WWOX: variants seen among roughly 807,000 people sequenced by gnomAD.
WWOX encodes WW domain containing oxidoreductase, also known as WW domain-containing oxidoreductase.
Under a neutral mutation model 46.2 loss-of-function variants are expected in WWOX, and 69 were observed. That is an observed-to-expected ratio of 1.49 (90% CI 1.23 to 1.82). WWOX has a LOEUF of 1.82. Among genes scored for constraint, WWOX ranks in the 40% most tolerant of loss-of-function variants. The pLI is 0.00. For missense variants in WWOX, 919 were observed against 542.6 expected (o/e 1.69, Z -6.89); for synonymous variants, 359 against 202.6 (o/e 1.77, Z -6.56).
intron 8 of WWOX, among the ~76,000 whole-genome samples, chr16:79,098,585 C>A (rs1446089093): frequency 1.3e-5 from 2 of 152,178 alleles, no homozygotes; most frequent in Non-Finnish European, 2.9e-5. Flanking sequence ...GCAAACTTCC[C>A]TTGTAATCAC....
At chr16:78,420,962 T>C (rs911917710) in intron 6 of WWOX, among the ~76,000 whole-genome samples, 4 of 152,172 alleles carry the variant, frequency 2.6e-5, no homozygotes, top group Non-Finnish European at 4.4e-5. Flanking sequence ...TTCAATTAAA[T>C]TGAGAAAGTT....
chr16:78,359,655 C>G (rs182542866), intron 5 of WWOX, among the ~76,000 whole-genome samples: 2 of 151,956 alleles, frequency 1.3e-5, no homozygotes, highest in Admixed American at 6.6e-5. Context: ...ACAGAGATAC[C>G]GTAACATTTA....
rs200040353 is a variant in WWOX at position 78,979,084 on chromosome 16, C to CTTT, written c.1057-232511_1057-232509dup. 1.3e-3 allele frequency among the ~76,000 whole-genome samples: 178 copies of CTTT among 142,156 alleles called. 1 individual carries two copies. Among genetic ancestry groups the CTTT allele is most frequent in the African/African-American group, 4.3e-3 (164 of 38,340 alleles). The allele number at this position is 142,156 out of a possible 152,430, so 93.3% of individuals were successfully genotyped here. ...CGTCCTCCCTGCTCAGAATTTCAGTCTTTTTTTTTTTTTTTCCCTATACAG... is the reference window on the plus strand; with the variant it reads ...CGTCCTCCCTGCTCAGAATTTCAGTCTTTTTTTTTTTTTTTTTTCCCTATACAG... On this transcript the variant is annotated intron_variant, in intron 8 of 8. Transcript: ENST00000566780.
At chr16:79,068,426 G>A (rs1008149600) in intron 8 of WWOX, among the ~76,000 whole-genome samples, 2 of 152,078 alleles carry the variant, frequency 1.3e-5, no homozygotes, top group Non-Finnish European at 2.9e-5. Context: ...TGTGCTGCCT[G>A]ACACACTCCT....
At chr16:79,053,087 A>G (rs544644801) in intron 8 of WWOX, among the ~76,000 whole-genome samples, 2 of 151,254 alleles carry the variant, frequency 1.3e-5, no homozygotes, top group African/African-American at 4.9e-5. Flanking sequence ...CCATGCAAAA[A>G]GGATGAAATC....
intron 4 of WWOX, among the ~76,000 whole-genome samples, chr16:78,139,788 G>C (rs11644071): frequency 0.15 from 23,078 of 152,182 alleles, 2,058 homozygotes; most frequent in East Asian, 0.22. Context: ...TGATTACAAA[G>C]AGAGGGATGG....
At chr16:79,115,603 A>G (rs1247902553) in intron 8 of WWOX, among the ~76,000 whole-genome samples, 1 of 152,242 alleles carries the variant, frequency 6.6e-6, no homozygotes, top group Non-Finnish European at 1.5e-5. Context: ...CTTCTCACAA[A>G]GAAAGATCTA....
At chr16:79,125,875 A>G (rs918573520) in intron 8 of WWOX, among the ~76,000 whole-genome samples, 1 of 152,214 alleles carries the variant, frequency 6.6e-6, no homozygotes, top group Non-Finnish European at 1.5e-5. Flanking sequence ...AAATTATCAA[A>G]GATTATCGTC....
At chr16:78,829,755 A>G (rs924598954) in intron 8 of WWOX, among the ~76,000 whole-genome samples, 1 of 152,158 alleles carries the variant, frequency 6.6e-6, no homozygotes, top group African/African-American at 2.4e-5. Flanking sequence ...AGAGATTCAG[A>G]GTATCCCAAG....
chr16:79,093,416 G>T (rs138378675), intron 8 of WWOX, among the ~76,000 whole-genome samples: 1 of 152,104 alleles, frequency 6.6e-6, no homozygotes. Context: ...GTGGCTTATT[G>T]TGACCCAACA....
At chr16:78,940,805 T>C (rs2045837296) in intron 8 of WWOX, among the ~76,000 whole-genome samples, 1 of 152,002 alleles carries the variant, frequency 6.6e-6, no homozygotes, top group Non-Finnish European at 1.5e-5. Flanking sequence ...TCCTGGTCCT[T>C]AGAGTCTTTC....
chr16:78,571,695 C>A (rs920068768), intron 8 of WWOX, among the ~76,000 whole-genome samples: 1 of 152,024 alleles, frequency 6.6e-6, no homozygotes, highest in Admixed American at 6.6e-5. Flanking sequence ...ATGGTGAAAC[C>A]CCTTCTCTAC....
intron 7 of WWOX, among the ~76,000 whole-genome samples, chr16:78,426,381 T>A (rs1339540428): frequency 1.3e-5 from 2 of 152,174 alleles, no homozygotes; most frequent in Non-Finnish European, 2.9e-5. Context: ...TTATGTCGAA[T>A]TGTCAGCTGC....
intron 4 of WWOX, among the ~76,000 whole-genome samples, chr16:78,154,131 C>T (rs951600766): frequency 4.6e-5 from 7 of 152,182 alleles, no homozygotes; most frequent in African/African-American, 1.7e-4. Context: ...CAGTGGCCCA[C>T]AGGGCACCTT....
intron 8 of WWOX, among the ~76,000 whole-genome samples, chr16:78,893,831 A>G (rs1014351225): frequency 3.3e-5 from 5 of 152,174 alleles, no homozygotes; most frequent in East Asian, 3.9e-4. Context: ...GTAAGAGGAA[A>G]TCACACTCAC....
intron 8 of WWOX, among the ~76,000 whole-genome samples, chr16:78,606,039 C>T (rs995388588): frequency 6.6e-6 from 1 of 152,188 alleles, no homozygotes; most frequent in Non-Finnish European, 1.5e-5. Context: ...AGTTAGGAGA[C>T]ACATTCTGCT....
chr16:78,999,533 G>A (rs1460140189), intron 8 of WWOX, among the ~76,000 whole-genome samples: 1 of 152,202 alleles, frequency 6.6e-6, no homozygotes, highest in East Asian at 1.9e-4. Flanking sequence ...TCTGCATGGA[G>A]GAAATCTAGA....
chr16:78,549,389 AC>A (rs1268048276), intron 8 of WWOX, among the ~76,000 whole-genome samples: 1 of 152,198 alleles, frequency 6.6e-6, no homozygotes, highest in East Asian at 1.9e-4. Flanking sequence ...AGGTTTTTAG[AC>A]AGAATATCAC....
chr16:78,725,970 C>CCTCCTCCTTCTCCTT (rs960440049), intron 8 of WWOX, among the ~76,000 whole-genome samples: 30 of 149,260 alleles, frequency 2.0e-4, no homozygotes, highest in Non-Finnish European at 3.6e-4. Flanking sequence ...CTTTTCTTCT[C>CCTCCTCCTTCTCCTT]CTCCTCCTTC....
Sources: gnomAD v4.1 joint callset for allele counts (sites outside exome capture counted in the v4.1 genomes callset) on GRCh38, gnomAD v4.1.1 for gene constraint, MANE v1.5 for transcripts, NCBI Gene and HGNC (gene_info 2026-07-23, HGNC 2026-07-21) for gene names.